The following SHTN1 variants were observed in gnomAD, a reference collection of about 807,000 sequenced individuals.
The protein encoded by SHTN1 is shootin 1.
Under a neutral mutation model 83.1 loss-of-function variants are expected in SHTN1, and 42 were observed. That is an observed-to-expected ratio of 0.51 (90% confidence interval 0.39 to 0.65). The LOEUF is 0.65. SHTN1 is among the 30% of genes least tolerant of loss of function. The pLI is 0.00. For missense variants in SHTN1, 622 were observed against 737.8 expected, an observed-to-expected ratio of 0.84 and a Z score of 1.82; for synonymous variants, 224 against 247.7, an observed-to-expected ratio of 0.90 and a Z score of 0.90.
At chr10:117,044,287 TAAC>T (rs56107408) in intron 2 of SHTN1, among the ~76,000 whole-genome samples, 98,797 of 151,674 alleles carry the variant, frequency 0.65, 35,958 homozygotes, top group Middle Eastern at 0.83. Context: ...CTGTTTTACT[TAAC>T]AATATATCTT....
intron 1 of SHTN1, among the ~76,000 whole-genome samples, chr10:117,108,991 G>A (rs950867475): frequency 5.9e-5 from 9 of 152,154 alleles, no homozygotes; most frequent in African/African-American, 2.2e-4. Flanking sequence ...AGATCCTACT[G>A]AAGACCTATT....
rs1293564364 is a variant in SHTN1, at chr10:116,940,560, C to T, written c.764G>A (p.Ser255Asn). ...LKRQSHLLLQ[S>N]SIPDQQLLKA... ...CAAAAGCTGCTGATCAGGGATGGAGCTCTGCAGCAGAAGGTGGCTTTGTCT... is the reference window on the plus strand; with the variant it reads ...CAAAAGCTGCTGATCAGGGATGGAGTTCTGCAGCAGAAGGTGGCTTTGTCT... The change falls in exon 9 of 17, where the codon AGC becomes AAC. Residue 255 changes from serine to asparagine, a missense_variant. Ser to Asn is a conservative substitution (Grantham distance 46). Transcript: ENST00000355371. 1.9e-6 allele frequency: 3 copies of T among 1,613,738 alleles called. No homozygotes were observed. In the East Asian group the frequency reaches 6.7e-5, roughly 36 times the overall value.
intron 1 of SHTN1, among the ~76,000 whole-genome samples, chr10:117,076,854 C>T (rs775721516): frequency 4.6e-5 from 7 of 152,164 alleles, no homozygotes; most frequent in Admixed American, 2.6e-4. Flanking sequence ...AATTGACTTA[C>T]AAGTTTCTGG....
At chr10:116,902,686 T>G (rs1847793762) in intron 15 of SHTN1, among the ~76,000 whole-genome samples, 1 of 152,226 alleles carries the variant, frequency 6.6e-6, no homozygotes, top group African/African-American at 2.4e-5. Flanking sequence ...TCTCAAAGCA[T>G]GATTCTAGTA....
At chr10:117,067,436 A>C (rs1302782430) in intron 1 of SHTN1, among the ~76,000 whole-genome samples, 1 of 152,172 alleles carries the variant, frequency 6.6e-6, no homozygotes, top group Non-Finnish European at 1.5e-5. Flanking sequence ...TACTAAAAGA[A>C]ATACAAAAAT....
chr10:117,097,028 T>TAG (rs1208331881), intron 1 of SHTN1, among the ~76,000 whole-genome samples: 1 of 98,466 alleles, frequency 1.0e-5, no homozygotes, highest in Non-Finnish European at 2.1e-5. Context: ...CACACACACA[T>TAG]AGACACACAC....
At chr10:117,024,258 A>C (rs1852299078) in intron 2 of SHTN1, among the ~76,000 whole-genome samples, 1 of 152,142 alleles carries the variant, frequency 6.6e-6, no homozygotes, top group African/African-American at 2.4e-5. Flanking sequence ...TGACTGAAAA[A>C]GAGCATGAAG....
intron 16 of SHTN1, among the ~76,000 whole-genome samples, chr10:116,897,145 T>C (rs1847552561): frequency 6.6e-6 from 1 of 152,134 alleles, no homozygotes; most frequent in Non-Finnish European, 1.5e-5. Flanking sequence ...TGTAAAAAGG[T>C]CTAAATGCAT....
At chr10:117,064,115 A>T (rs1791915934) in intron 1 of SHTN1, among the ~76,000 whole-genome samples, 1 of 152,168 alleles carries the variant, frequency 6.6e-6, no homozygotes, top group Admixed American at 6.6e-5. Context: ...TGAAACTAGA[A>T]GCTGGAAAGT....
chr10:117,098,637 T>G (rs1853542112), intron 1 of SHTN1, among the ~76,000 whole-genome samples: 1 of 152,070 alleles, frequency 6.6e-6, no homozygotes. Flanking sequence ...CAAAGTCCAC[T>G]CTGAATATGA....
chr10:117,070,432 T>A (rs181898943), intron 1 of SHTN1, among the ~76,000 whole-genome samples: 198 of 152,104 alleles, frequency 1.3e-3, no homozygotes, highest in Admixed American at 2.8e-3. Context: ...TGTTCTATGC[T>A]TTTTTTCCCC....
chr10:116,961,209 C>T (rs1374960666), intron 3 of SHTN1, among the ~76,000 whole-genome samples: 6 of 151,968 alleles, frequency 3.9e-5, no homozygotes, highest in African/African-American at 1.2e-4. Context: ...AGAGAGATTA[C>T]TTTTGCTTCA....
intron 1 of SHTN1, among the ~76,000 whole-genome samples, chr10:117,072,784 T>C (rs1272268063): frequency 2.0e-5 from 3 of 152,076 alleles, no homozygotes; most frequent in Admixed American, 6.6e-5. Flanking sequence ...CCAACTCTGG[T>C]AATATGACAA....
chr10:117,005,501 G>A (rs963070457), upstream of SHTN1: 2 of 1,015,286 alleles, frequency 2.0e-6, no homozygotes, highest in African/African-American at 3.5e-5. Flanking sequence ...TGGGTTCGCA[G>A]CGTGTGTGGG....
chr10:116,930,631 C>T (rs1444281307), intron 9 of SHTN1, among the ~76,000 whole-genome samples: 5 of 152,118 alleles, frequency 3.3e-5, no homozygotes, highest in African/African-American at 1.2e-4. Context: ...CAGTCTACCA[C>T]GGATGGGCAT....
intron 2 of SHTN1, among the ~76,000 whole-genome samples, chr10:117,041,616 G>T (rs1426911559): frequency 6.6e-6 from 1 of 152,146 alleles, no homozygotes; most frequent in Non-Finnish European, 1.5e-5. Flanking sequence ...CTCACCCTTT[G>T]TCTTGAAGAG....
At chr10:117,085,686 C>T (rs1182056823) in intron 1 of SHTN1, among the ~76,000 whole-genome samples, 1 of 152,176 alleles carries the variant, frequency 6.6e-6, no homozygotes, top group East Asian at 1.9e-4. Context: ...TTTCTGTCTG[C>T]TGGATCTGAC....
At chr10:117,122,740 C>T (rs751273544) in intron 1 of SHTN1, among the ~76,000 whole-genome samples, 1 of 152,134 alleles carries the variant, frequency 6.6e-6, no homozygotes, top group Non-Finnish European at 1.5e-5. Context: ...CTACTATGTA[C>T]CAATCTAGGA....
chr10:116,963,086 T>C (rs1405777113), intron 3 of SHTN1, among the ~76,000 whole-genome samples: 6 of 92,856 alleles, frequency 6.5e-5, no homozygotes, highest in African/African-American at 2.6e-4. Context: ...TTTTTTTTTT[T>C]TTTGAGACGG....
Sources: gnomAD v4.1 joint callset for allele counts (sites outside exome capture counted in the v4.1 genomes callset) on GRCh38, gnomAD v4.1.1 for gene constraint, MANE v1.5 for transcripts, NCBI Gene and HGNC (gene_info 2026-07-23, HGNC 2026-07-21) for gene names.